Variants in GABRB1 observed in about 807,000 individuals in gnomAD.
GABRB1 encodes gamma-aminobutyric acid type A receptor subunit beta1, also known as gamma-aminobutyric acid receptor subunit beta-1.
A neutral mutation model predicts 51.6 loss-of-function variants in GABRB1; 17 were observed. That is an observed-to-expected ratio of 0.33 (90% CI 0.23 to 0.49). The LOEUF (loss-of-function observed/expected upper bound fraction) is 0.49, where lower values mean the gene tolerates loss of function less well. GABRB1 is among the 20% of genes least tolerant of loss of function. The probability of loss-of-function intolerance (pLI) is 0.99; values close to 1 mark genes in which losing one functional copy is unlikely to be tolerated. For missense variants in GABRB1, 410 were observed against 600.6 expected (o/e 0.68, Z 3.32); for synonymous variants, 247 against 218.9 (o/e 1.13, Z -1.14).
chr4:47,019,298 C>T (rs1295965110), intron 1 of GABRB1, among the ~76,000 whole-genome samples: 2 of 152,072 alleles, frequency 1.3e-5, no homozygotes, highest in African/African-American at 2.4e-5. Flanking sequence ...TCTTCTTTGT[C>T]GCTCTTTCTA....
At chr4:47,160,380 A>G (rs1370234243) in intron 3 of GABRB1, among the ~76,000 whole-genome samples, 1 of 152,182 alleles carries the variant, frequency 6.6e-6, no homozygotes, top group Non-Finnish European at 1.5e-5. Context: ...GTGCCTCATA[A>G]CTACTTTTCA....
chr4:47,242,510 A>C (rs1184612099), intron 4 of GABRB1, among the ~76,000 whole-genome samples: 1 of 152,204 alleles, frequency 6.6e-6, no homozygotes, highest in African/African-American at 2.4e-5. Context: ...GCAACAGTGT[A>C]AAAGTGTTCC....
intron 4 of GABRB1, among the ~76,000 whole-genome samples, chr4:47,163,448 A>G (rs1188133415): frequency 1.3e-5 from 2 of 151,998 alleles, no homozygotes; most frequent in East Asian, 3.9e-4. Context: ...CACACTCACT[A>G]TTTTGGCCCT....
intron 5 of GABRB1, among the ~76,000 whole-genome samples, chr4:47,402,533 A>C (rs1728431444): frequency 6.6e-6 from 1 of 152,216 alleles, no homozygotes; most frequent in Non-Finnish European, 1.5e-5. Context: ...ATACATAATG[A>C]TAACCCAGCT....
At chr4:47,260,693 TC>T (rs1475217531) in intron 4 of GABRB1, among the ~76,000 whole-genome samples, 3 of 152,140 alleles carry the variant, frequency 2.0e-5, no homozygotes, top group Non-Finnish European at 4.4e-5. Flanking sequence ...TGCCAAGAGA[TC>T]CGCTGTTAGT....
At chr4:47,197,297 G>A (rs140481442) in intron 4 of GABRB1, among the ~76,000 whole-genome samples, 24 of 152,222 alleles carry the variant, frequency 1.6e-4, no homozygotes, top group African/African-American at 4.8e-4. Context: ...AAGTCTATTT[G>A]TTCATGGGAT....
In GABRB1 at chr4:47,106,474, T is replaced by C. The variant is rs1300009779; in HGVS notation, c.241-54775T>C. Among the ~76,000 whole-genome samples the C allele has an allele frequency of 2.0e-5, 3 of 152,124 alleles. No homozygotes were observed. In the East Asian group the frequency reaches 5.8e-4, roughly 29 times the overall value. On this transcript the variant is annotated intron_variant, in intron 3 of 8. Transcript: ENST00000295454. The stretch of plus-strand genomic sequence containing the variant: ...AGTTTACTATATAGTTAACTTAAGC[T>C]TCATTATATACAATTACAGATGACT...
At chr4:47,101,660 C>G (rs1714729459) in intron 3 of GABRB1, among the ~76,000 whole-genome samples, 1 of 151,972 alleles carries the variant, frequency 6.6e-6, no homozygotes, top group South Asian at 2.1e-4. Context: ...TGCTTACTAA[C>G]TATTGTTTAT....
chr4:47,169,604 C>T (rs1718353455), intron 4 of GABRB1, among the ~76,000 whole-genome samples: 1 of 151,988 alleles, frequency 6.6e-6, no homozygotes, highest in Non-Finnish European at 1.5e-5. Flanking sequence ...CAGGTTCAAG[C>T]GATTCTCCTG....
intron 3 of GABRB1, among the ~76,000 whole-genome samples, chr4:47,073,245 C>T (rs950028884): frequency 2.0e-5 from 3 of 152,058 alleles, no homozygotes; most frequent in South Asian, 2.1e-4. Context: ...TGTTACCATC[C>T]GAATGTCTGG....
At position 47,190,270 on chromosome 4, in the gene GABRB1, G is replaced by T. The variant is rs142297666; in HGVS notation, c.461+28801G>T. On this transcript the variant is annotated intron_variant, in intron 4 of 8. Transcript: ENST00000295454. ...GTGTCATAAGATGTGTATCCCAGCA[G>T]GTTACTCAACAGTGGAGATAATAAG... Among the ~76,000 whole-genome samples, 19 of 152,168 alleles carry T rather than the reference G, an allele frequency of 1.2e-4. No homozygotes were observed. In the East Asian group the frequency reaches 3.1e-3, roughly 25 times the overall value.
At chr4:47,386,574 T>G (rs1328488049) in intron 5 of GABRB1, among the ~76,000 whole-genome samples, 2 of 152,190 alleles carry the variant, frequency 1.3e-5, no homozygotes, top group Non-Finnish European at 2.9e-5. Context: ...AAAACATATG[T>G]ACCTACATAA....
intron 4 of GABRB1, among the ~76,000 whole-genome samples, chr4:47,180,699 G>A (rs183885858): frequency 3.3e-5 from 5 of 152,080 alleles, no homozygotes; most frequent in Admixed American, 2.0e-4. Context: ...GGAGTTAATA[G>A]CTGTTGCAAT....
intron 1 of GABRB1, among the ~76,000 whole-genome samples, chr4:47,022,511 G>T (rs997331965): frequency 6.6e-6 from 1 of 151,932 alleles, no homozygotes; most frequent in Non-Finnish European, 1.5e-5. Context: ...CTTTATCCAT[G>T]ATGTTCCAAA....
intron 4 of GABRB1, among the ~76,000 whole-genome samples, chr4:47,189,977 T>C (rs1719367535): frequency 2.0e-5 from 3 of 152,062 alleles, no homozygotes; most frequent in South Asian, 4.1e-4. Context: ...ATGATGTGGC[T>C]CTGCTGGCAT....
intron 5 of GABRB1, among the ~76,000 whole-genome samples, chr4:47,396,376 T>C (rs900568365): frequency 2.0e-5 from 3 of 152,104 alleles, no homozygotes; most frequent in African/African-American, 7.2e-5. Flanking sequence ...ATTATGGGAG[T>C]ACAAATCAAG....
chr4:47,323,582 T>C (rs890074067), intron 5 of GABRB1, among the ~76,000 whole-genome samples: 4 of 152,206 alleles, frequency 2.6e-5, no homozygotes, highest in Admixed American at 2.6e-4. Flanking sequence ...TGAGAGGCTC[T>C]AGTGTCAGTC....
intron 4 of GABRB1, among the ~76,000 whole-genome samples, chr4:47,260,769 T>G (rs1437998844): frequency 6.6e-6 from 1 of 152,066 alleles, no homozygotes; most frequent in Admixed American, 6.6e-5. Context: ...TAGACCAATA[T>G]CCTTGATGAA....
intron 3 of GABRB1, among the ~76,000 whole-genome samples, chr4:47,107,590 T>A (rs1381793645): frequency 6.6e-6 from 1 of 152,142 alleles, no homozygotes; most frequent in Non-Finnish European, 1.5e-5. Context: ...TGTTTATTCA[T>A]CTGTAAAATG....
Sources: allele counts gnomAD v4.1 joint callset (sites outside exome capture counted in the v4.1 genomes callset), GRCh38; gene constraint gnomAD v4.1.1; transcripts MANE v1.5; gene names NCBI Gene and HGNC (gene_info 2026-07-23, HGNC 2026-07-21).